TMEM216: variants seen among roughly 807,000 people sequenced by gnomAD.
TMEM216 encodes cerebello-oculo-renal syndrome 2.
TMEM216 carries 15 observed loss-of-function variants against 17.8 expected under a neutral mutation model. That is an observed-to-expected ratio of 0.84 (90% CI 0.56 to 1.30). The LOEUF is 1.30. TMEM216 is among the 50% of genes most tolerant of loss of function. The pLI is 0.00. For missense variants in TMEM216, 160 were observed against 175.7 expected, an observed-to-expected ratio of 0.91 and a Z score of 0.51; for synonymous variants, 58 against 73.5, an observed-to-expected ratio of 0.79 and a Z score of 1.08.
chr11:61,398,314 C>T lies in TMEM216; in HGVS notation c.*38C>T. ...CAGCCAGCAGCCCATCAGGCTGACA[C>T]CACACATATTGCTTCTGGTACTTTA... On this transcript the variant is annotated 3_prime_UTR_variant, in exon 5 of 5. Coordinates refer to ENST00000515837, the MANE Select transcript of TMEM216 (RefSeq NM_001173990.3). 6.2e-7 allele frequency: 1 copy of T among 1,604,964 alleles called. No homozygotes were observed. Among genetic ancestry groups the T allele is most frequent in the Non-Finnish European group, 8.5e-7 (1 of 1,173,384 alleles).
At chr11:61,397,399 C>T (rs1261817315) in intron 3 of TMEM216, among the ~76,000 whole-genome samples, 1 of 152,064 alleles carries the variant, frequency 6.6e-6, no homozygotes, top group African/African-American at 2.4e-5. Context: ...CATCTCCTGA[C>T]CTTGTGATCC....
At chr11:61,392,783 C>G (rs1858703375) in intron 1 of TMEM216, 118 bp downstream of exon 1, 4 of 1,526,582 alleles carry the variant, frequency 2.6e-6, no homozygotes, top group Non-Finnish European at 2.6e-6. Flanking sequence ...CGTCGCGCCT[C>G]CCTGGTCCAA....
chr11:61,395,793 C>G (rs1315874196), intron 3 of TMEM216, among the ~76,000 whole-genome samples: 1 of 151,430 alleles, frequency 6.6e-6, no homozygotes, highest in Non-Finnish European at 1.5e-5. Flanking sequence ...TACAGAGAAC[C>G]AGTAAAACTT....
rs1590646037 is a variant in TMEM216, at chr11:61,398,446, C to T, written c.*170C>T. On this transcript the variant is annotated 3_prime_UTR_variant, in exon 5 of 5. Coordinates refer to ENST00000515837, the MANE Select transcript of TMEM216 (RefSeq NM_001173990.3). ...CAACTCAGCATAAGGCCAGTGGGTA[C>T]CATCTTCTAAACCAGGACCATCAGC... 3 of 665,660 alleles carry T rather than the reference C, an allele frequency of 4.5e-6. No homozygotes were observed. The East Asian group carries it at 8.1e-5, about 18-fold the overall frequency. The allele number at this position is 665,660 out of a possible 1,614,324, so 41.2% of individuals were successfully genotyped here.
At chr11:61,397,141 A>T (rs1858817631) in intron 3 of TMEM216, among the ~76,000 whole-genome samples, 2 of 151,898 alleles carry the variant, frequency 1.3e-5, no homozygotes, top group Admixed American at 1.3e-4. Context: ...CACTTTCTAT[A>T]GTCTCAAAAA....
intron 1 of TMEM216, chr11:61,392,874 T>C: frequency 1.0e-6 from 1 of 985,414 alleles, no homozygotes; most frequent in Non-Finnish European, 1.2e-6. Context: ...GATCCTTGGC[T>C]GGGCCACTTC....
intron 2 of TMEM216, 72 bp downstream of exon 2, chr11:61,393,404 CCTT>C (rs1447228147): frequency 1.1e-5 from 12 of 1,115,580 alleles, no homozygotes; most frequent in African/African-American, 7.8e-5. Flanking sequence ...CTACCAAGAA[CCTT>C]CTTATTTTCC....
At chr11:61,392,971 G>A in intron 1 of TMEM216, 1 of 772,100 alleles carries the variant, frequency 1.3e-6, no homozygotes, top group Non-Finnish European at 1.6e-6. Context: ...TGAGATGTCT[G>A]TCAGCTGCGA....
In TMEM216 at chr11:61,398,648, C is replaced by A. The variant is rs565159932; in HGVS notation, c.*372C>A. The A allele has an allele frequency of 1.1e-5, 3 of 273,414 alleles. No individual in the cohort carries two copies. The East Asian group carries it at 2.3e-4, about 21-fold the overall frequency. 16.9% of individuals were successfully genotyped at this position (273,414 alleles called of 1,614,324 possible). A position where few individuals can be genotyped will look rare whatever the true frequency, so the allele number is the denominator to read the frequency against. ...TCAAGCAGGACCTGAGCCACATGCT[C>A]CCTGTACGAGCTGTGCTATACCTGT... On this transcript the variant is annotated 3_prime_UTR_variant, in exon 5 of 5. Coordinates refer to ENST00000515837, the MANE Select transcript of TMEM216 (RefSeq NM_001173990.3).
Position 61,393,981 on chromosome 11 carries a change from G to C in TMEM216, c.229+5G>C. ...AAGTAATTCGCCTGTTTTTTGGTAA[G>C]TGTTGTCCAGAGAATATTTCCACTC... On this transcript the variant is annotated splice_donor_5th_base_variant and intron_variant, in intron 3 of 4. Coordinates refer to ENST00000515837, the MANE Select transcript of TMEM216 (RefSeq NM_001173990.3). The C allele has an allele frequency of 6.2e-7, 1 of 1,613,372 alleles. No homozygotes were observed. The highest frequency in any genetic ancestry group is 8.5e-7 in the Non-Finnish European group (1 of 1,179,334).
intron 3 of TMEM216, chr11:61,394,340 A>T (rs2135191837): frequency 6.0e-6 from 1 of 167,858 alleles, no homozygotes; most frequent in Non-Finnish European, 1.3e-5. Flanking sequence ...GATCCCTAAC[A>T]ATTCTCTGAA....
At chr11:61,394,694 T>G in intron 3 of TMEM216, among the ~76,000 whole-genome samples, 2 of 137,218 alleles carry the variant, frequency 1.5e-5, no homozygotes, top group African/African-American at 5.6e-5. Context: ...TGAGATGGAG[T>G]CTCACTCTGT....
chr11:61,395,353 C>T (rs1258250725), intron 3 of TMEM216, among the ~76,000 whole-genome samples: 2 of 152,062 alleles, frequency 1.3e-5, no homozygotes, highest in African/African-American at 2.4e-5. Flanking sequence ...CTGAAATCAA[C>T]GTTAAAGCAC....
chr11:61,397,621 C>T lies in TMEM216; in HGVS notation c.230-153C>T, dbSNP rs1397003350. 4.6e-6 allele frequency: 3 copies of T among 646,894 alleles called. No homozygotes were observed. In the East Asian group the frequency reaches 8.2e-5, roughly 18 times the overall value. The allele number at this position is 646,894 out of a possible 1,614,324, so 40.1% of individuals were successfully genotyped here. A position where few individuals can be genotyped will look rare whatever the true frequency, so the allele number is the denominator to read the frequency against. On this transcript the variant is annotated intron_variant, in intron 3 of 4. Transcript: ENST00000515837. The stretch of plus-strand genomic sequence containing the variant: ...TCTTGTAGCTCTCCTAAGCCTCAAA[C>T]TTTTAGTACAGTGGGACCCCATTTA...
chr11:61,392,852 CAAAT>C (rs1225716035), intron 1 of TMEM216, 187 bp downstream of exon 1: 3 of 985,382 alleles, frequency 3.0e-6, no homozygotes, highest in Non-Finnish European at 3.6e-6. Flanking sequence ...GTGCACAGCT[CAAAT>C]AAACGCAGAT....
Position 61,398,397 on chromosome 11 carries a change from C to T in TMEM216, c.*121C>T. 1 of 1,091,314 alleles carries T rather than the reference C, an allele frequency of 9.2e-7. No individual in the cohort carries two copies. Among genetic ancestry groups the T allele is most frequent in the Non-Finnish European group, 1.3e-6 (1 of 747,856 alleles). 67.6% of individuals were successfully genotyped at this position (1,091,314 alleles called of 1,614,324 possible). On this transcript the variant is annotated 3_prime_UTR_variant, in exon 5 of 5. Coordinates refer to ENST00000515837, the MANE Select transcript of TMEM216 (RefSeq NM_001173990.3). ...TCCTGAGAAAGGCTGTGTGGCTTTTCTTCAGCACAGACATTTGGGCAAGCA... is the reference window on the plus strand; with the variant it reads ...TCCTGAGAAAGGCTGTGTGGCTTTTTTTCAGCACAGACATTTGGGCAAGCA...
intron 1 of TMEM216, 59 bp from the exon 2 acceptor site, chr11:61,393,172 T>A: frequency 7.9e-7 from 1 of 1,264,340 alleles, no homozygotes; most frequent in Non-Finnish European, 1.1e-6. Flanking sequence ...CACCAACCCA[T>A]ACGAGCAGAG....
chr11:61,397,738 C>A, intron 3 of TMEM216, 36 bp from the exon 4 acceptor site: 7 of 1,590,486 alleles, frequency 4.4e-6, no homozygotes, highest in Non-Finnish European at 6.0e-6. Flanking sequence ...GAAAAGCAGA[C>A]CATTTGGAGA....
intron 4 of TMEM216, 36 bp downstream of exon 4, chr11:61,398,011 G>C (rs1184816897): frequency 3.7e-6 from 6 of 1,609,996 alleles, no homozygotes; most frequent in Non-Finnish European, 5.1e-6. Context: ...CATCACTAGA[G>C]GGTTGGGTTC....
Sources: allele counts gnomAD v4.1 joint callset (sites outside exome capture counted in the v4.1 genomes callset), GRCh38; gene constraint gnomAD v4.1.1; transcripts MANE v1.5; gene names NCBI Gene and HGNC (gene_info 2026-07-23, HGNC 2026-07-21).